The following AP1G1 variants were observed in gnomAD, a reference collection of about 807,000 sequenced individuals.
AP1G1 encodes adaptor related protein complex 1 subunit gamma 1.
Under a neutral mutation model 108.3 loss-of-function variants are expected in AP1G1, and 7 were observed. The ratio of observed to expected loss-of-function variants is 0.06; its 90% confidence interval spans 0.04 to 0.12. The LOEUF is 0.12. AP1G1 is among the 10% of genes least tolerant of loss of function. The pLI, the probability that AP1G1 is intolerant of heterozygous loss-of-function variation, is 1.00. For missense variants in AP1G1, 756 were observed against 1,010.7 expected, an observed-to-expected ratio of 0.75 and a Z score of 3.42; for synonymous variants, 379 against 353.5, an observed-to-expected ratio of 1.07 and a Z score of -0.81.
intron 4 of AP1G1, among the ~76,000 whole-genome samples, chr16:71,772,123 T>C (rs2031595736): frequency 7.8e-6 from 1 of 127,872 alleles, no homozygotes; most frequent in Non-Finnish European, 1.6e-5. Flanking sequence ...AAAATATCTT[T>C]TTTTCTTTTC....
intron 1 of AP1G1, among the ~76,000 whole-genome samples, chr16:71,802,299 C>T (rs1272374120): frequency 6.6e-6 from 1 of 152,112 alleles, no homozygotes; most frequent in East Asian, 1.9e-4. Context: ...GACAGTCTAT[C>T]TCTGTCACCC....
intron 15 of AP1G1, among the ~76,000 whole-genome samples, chr16:71,748,780 C>G (rs2030321685): frequency 6.6e-6 from 1 of 152,152 alleles, no homozygotes; most frequent in Non-Finnish European, 1.5e-5. Flanking sequence ...CTCATTTCTT[C>G]TTGTTTACCA....
chr16:71,803,923 CAA>C (rs534074123), intron 1 of AP1G1, among the ~76,000 whole-genome samples: 6 of 73,644 alleles, frequency 8.1e-5, no homozygotes, highest in Admixed American at 1.6e-4. Context: ...GACTCCGTCT[CAA>C]AAAAAAAAAA....
At chr16:71,773,194 A>G in intron 4 of AP1G1, 27 bp downstream of exon 4, 1 of 1,611,158 alleles carries the variant, frequency 6.2e-7, no homozygotes, top group Non-Finnish European at 8.5e-7. Context: ...CCTAATCCAA[A>G]CAGACATTTG....
chr16:71,753,947 T>C (rs2030637592), intron 12 of AP1G1, 60 bp from the exon 13 acceptor site: 8 of 1,510,650 alleles, frequency 5.3e-6, no homozygotes, highest in South Asian at 1.1e-5. Flanking sequence ...TTTCAGTGAC[T>C]AGAAAATCCT....
rs2045461851 is a variant in AP1G1, at chr16:71,729,856, C to G, written c.*3202G>C. On this transcript the variant is annotated 3_prime_UTR_variant, in exon 23 of 23. Coordinates refer to ENST00000299980, the MANE Select transcript of AP1G1 (RefSeq NM_001128.6). ...TTCACTAGAAAAAAATAGACACATT[C>G]AAACTCCTTTCCCCTAGTTCTCATG... 1 of 152,578 alleles carries G rather than the reference C, an allele frequency of 6.6e-6. No homozygotes were observed. Among genetic ancestry groups the G allele is most frequent in the South Asian group, 2.1e-4 (1 of 4,826 alleles). The allele number at this position is 152,578 out of a possible 1,614,324, so 9.5% of individuals were successfully genotyped here. A position where few individuals can be genotyped will look rare whatever the true frequency, so the allele number is the denominator to read the frequency against.
chr16:71,777,655 C>G (rs2031842149), intron 2 of AP1G1: 1 of 460,436 alleles, frequency 2.2e-6, no homozygotes, highest in Admixed American at 2.4e-5. Flanking sequence ...GTTCATCCTC[C>G]TCTTCGGCAG....
chr16:71,730,877 T>C lies in AP1G1; in HGVS notation c.*2181A>G, dbSNP rs1478556641. ...ATGCTCTGTCAGCAGAGTAGACCCT[T>C]CCCAGCTCCATTAGCTGACAGTGTC... On this transcript the variant is annotated 3_prime_UTR_variant, in exon 23 of 23. Coordinates refer to ENST00000299980, the MANE Select transcript of AP1G1 (RefSeq NM_001128.6). The C allele has an allele frequency of 6.6e-6, 1 of 152,484 alleles. No individual in the cohort carries two copies. Among genetic ancestry groups the C allele is most frequent in the Non-Finnish European group, 1.5e-5 (1 of 68,036 alleles). 9.4% of individuals were successfully genotyped at this position (152,484 alleles called of 1,614,324 possible).
At chr16:71,806,807 G>T (rs1484132930) in intron 1 of AP1G1, 1 of 860,686 alleles carries the variant, frequency 1.2e-6, no homozygotes, top group Non-Finnish European at 1.6e-6. Context: ...ATATATTTTT[G>T]AAAAATCTGC....
intron 2 of AP1G1, among the ~76,000 whole-genome samples, chr16:71,787,716 GACAC>G (rs2032257646): frequency 6.6e-6 from 1 of 152,060 alleles, no homozygotes; most frequent in Admixed American, 6.6e-5. Flanking sequence ...TTTATACTAT[GACAC>G]ACAGTATATG....
intron 19 of AP1G1, among the ~76,000 whole-genome samples, chr16:71,741,475 C>T (rs2045620889): frequency 6.6e-6 from 1 of 151,958 alleles, no homozygotes; most frequent in African/African-American, 2.4e-5. Flanking sequence ...CCCAGCCACT[C>T]GGGAGGCTGA....
At chr16:71,800,946 G>C (rs2032774140) in intron 1 of AP1G1, among the ~76,000 whole-genome samples, 1 of 152,170 alleles carries the variant, frequency 6.6e-6, no homozygotes, top group African/African-American at 2.4e-5. Context: ...GGTGAGCTGA[G>C]ATCACGCCAT....
intron 21 of AP1G1, among the ~76,000 whole-genome samples, chr16:71,736,119 T>C (rs796989779): frequency 5.5e-5 from 3 of 54,400 alleles, no homozygotes; most frequent in Non-Finnish European, 9.7e-5. Context: ...AAAAAAAAAA[T>C]ATATATATAT....
chr16:71,776,560 A>G (rs1320680035), intron 2 of AP1G1, among the ~76,000 whole-genome samples: 13 of 152,224 alleles, frequency 8.5e-5, no homozygotes, highest in Non-Finnish European at 2.9e-5. Context: ...TGGTTTTTCA[A>G]TCTTCTCATT....
At chr16:71,767,841 C>T in intron 6 of AP1G1, 1 of 1,595,072 alleles carries the variant, frequency 6.3e-7, no homozygotes, top group Non-Finnish European at 8.5e-7. Context: ...GGACCTAATG[C>T]CAGCATGCAC....
intron 2 of AP1G1, among the ~76,000 whole-genome samples, chr16:71,778,810 C>T (rs1172381542): frequency 2.6e-5 from 4 of 152,096 alleles, no homozygotes; most frequent in Non-Finnish European, 4.4e-5. Context: ...GGAGGGCATC[C>T]GTTTTTCCGC....
chr16:71,778,759 G>A (rs1189427461), intron 2 of AP1G1, among the ~76,000 whole-genome samples: 1 of 151,852 alleles, frequency 6.6e-6, no homozygotes, highest in Non-Finnish European at 1.5e-5. Flanking sequence ...AAAGATAAAG[G>A]TTTGGGGGGA....
chr16:71,745,864 A>G (rs1458693881), intron 17 of AP1G1, among the ~76,000 whole-genome samples: 3 of 152,148 alleles, frequency 2.0e-5, no homozygotes, highest in African/African-American at 7.2e-5. Flanking sequence ...TCAGTGGTAG[A>G]GAGACTGAGA....
At position 71,732,350 on chromosome 16, in the gene AP1G1, A is replaced by G. The variant is rs532887181; in HGVS notation, c.*708T>C. On this transcript the variant is annotated 3_prime_UTR_variant, in exon 23 of 23. Transcript: ENST00000299980. ...AATAGAGCACCATATCCTTCATGCC[A>G]AATCTCAACAAAAGCTCTTTTTAAC... The G allele has an allele frequency of 6.5e-6, 1 of 152,772 alleles. No individual in the cohort carries two copies. The highest frequency in any genetic ancestry group is 6.5e-5 in the Admixed American group (1 of 15,300). The allele number at this position is 152,772 out of a possible 1,614,324, so 9.5% of individuals were successfully genotyped here.
Sources: allele counts gnomAD v4.1 joint callset (sites outside exome capture counted in the v4.1 genomes callset), GRCh38; gene constraint gnomAD v4.1.1; transcripts MANE v1.5; gene names NCBI Gene and HGNC (gene_info 2026-07-23, HGNC 2026-07-21).